The following PPM1E variants were observed in gnomAD, a reference collection of about 807,000 sequenced individuals.
PPM1E encodes protein phosphatase, Mg2+/Mn2+ dependent 1E, also known as protein phosphatase 1E.
PPM1E carries 20 observed loss-of-function variants against 65.9 expected under a neutral mutation model. That is an observed-to-expected ratio of 0.30 (90% CI 0.21 to 0.44). The LOEUF (loss-of-function observed/expected upper bound fraction) is 0.44. Among genes scored for constraint, PPM1E ranks in the 20% least tolerant of loss-of-function variants. PPM1E has a pLI of 1.00. For synonymous variants in PPM1E, 352 were observed against 374.9 expected, an observed-to-expected ratio of 0.94 and a Z score of 0.70; for missense variants, 713 against 953.1, an observed-to-expected ratio of 0.75 and a Z score of 3.32.
intron 1 of PPM1E, chr17:58,785,458 T>TTATATATATATATATATATATATATATA (rs71367630): frequency 1.8e-4 from 16 of 88,946 alleles, no homozygotes; most frequent in African/African-American, 4.3e-4. Flanking sequence ...CCTGGCTAAT[T>TTATATATATATATATATATATATATATA]TATATATATA....
chr17:58,810,064 G>T (rs1021444336), intron 1 of PPM1E, among the ~76,000 whole-genome samples: 2 of 152,076 alleles, frequency 1.3e-5, no homozygotes, highest in Non-Finnish European at 2.9e-5. Context: ...GAAATCTGTT[G>T]TGTATTTTAC....
intron 1 of PPM1E, among the ~76,000 whole-genome samples, chr17:58,945,450 C>A (rs1313455800): frequency 6.6e-6 from 1 of 152,218 alleles, no homozygotes; most frequent in Non-Finnish European, 1.5e-5. Flanking sequence ...GCCTCACACA[C>A]TTCTGACACT....
chr17:58,846,345 G>A (rs1237437895), intron 1 of PPM1E, among the ~76,000 whole-genome samples: 2 of 151,982 alleles, frequency 1.3e-5, no homozygotes, highest in Non-Finnish European at 2.9e-5. Context: ...ATGTATATGT[G>A]TGCCATGTTG....
chr17:58,963,564 C>G (rs920479493), intron 2 of PPM1E, among the ~76,000 whole-genome samples: 1 of 151,690 alleles, frequency 6.6e-6, no homozygotes, highest in African/African-American at 2.4e-5. Flanking sequence ...AAAAAATTAG[C>G]TGGGCGTGGT....
At chr17:58,956,944 G>T (rs2029884690) in intron 2 of PPM1E, among the ~76,000 whole-genome samples, 1 of 152,134 alleles carries the variant, frequency 6.6e-6, no homozygotes, top group Non-Finnish European at 1.5e-5. Flanking sequence ...CAGAAAATCG[G>T]CAAGGAAGGA....
intron 1 of PPM1E, among the ~76,000 whole-genome samples, chr17:58,777,405 A>G (rs1472252413): frequency 6.6e-6 from 1 of 152,192 alleles, no homozygotes; most frequent in Admixed American, 6.6e-5. Flanking sequence ...AGGAGAAAAG[A>G]TTTCTTGAAC....
chr17:58,877,041 C>T (rs1342406004), intron 1 of PPM1E, among the ~76,000 whole-genome samples: 1 of 152,190 alleles, frequency 6.6e-6, no homozygotes, highest in African/African-American at 2.4e-5. Context: ...CCTCGGCCTC[C>T]CAAAGTGCTG....
intron 1 of PPM1E, among the ~76,000 whole-genome samples, chr17:58,855,078 A>G (rs550033449): frequency 2.8e-4 from 43 of 152,272 alleles, no homozygotes; most frequent in African/African-American, 8.7e-4. Context: ...GTGCCCCGAC[A>G]CTTTTGTGAG....
intron 1 of PPM1E, among the ~76,000 whole-genome samples, chr17:58,771,540 C>A (rs2049938709): frequency 6.6e-6 from 1 of 151,530 alleles, no homozygotes; most frequent in African/African-American, 2.4e-5. Context: ...AGGAGAATCG[C>A]TTGAACCTGG....
chr17:58,849,844 T>G (rs965206011), intron 1 of PPM1E, among the ~76,000 whole-genome samples: 11 of 152,144 alleles, frequency 7.2e-5, no homozygotes, highest in Non-Finnish European at 1.5e-5. Flanking sequence ...CCTTGTTAAT[T>G]TCCTGTCTTG....
At chr17:58,803,609 C>T (rs2143062222) in intron 1 of PPM1E, among the ~76,000 whole-genome samples, 1 of 152,336 alleles carries the variant, frequency 6.6e-6, no homozygotes, top group Admixed American at 6.5e-5. Flanking sequence ...CCTACACCAC[C>T]AAATACCAGT....
intron 1 of PPM1E, among the ~76,000 whole-genome samples, chr17:58,934,731 A>G (rs1389256329): frequency 1.3e-5 from 2 of 152,134 alleles, no homozygotes; most frequent in African/African-American, 2.4e-5. Flanking sequence ...GTTTGAGACC[A>G]GCCTGGCCAA....
chr17:58,831,697 C>A (rs2050607468), intron 1 of PPM1E, among the ~76,000 whole-genome samples: 1 of 152,166 alleles, frequency 6.6e-6, no homozygotes, highest in African/African-American at 2.4e-5. Flanking sequence ...CAGCTAGATT[C>A]TTGATGTCAT....
intron 1 of PPM1E, among the ~76,000 whole-genome samples, chr17:58,941,732 T>TG (rs1229941262): frequency 7.0e-6 from 1 of 143,786 alleles, no homozygotes; most frequent in African/African-American, 2.6e-5. Flanking sequence ...AGGCCGGGCA[T>TG]GGTGGCTCAC....
At chr17:58,786,018 T>C (rs998177695) in intron 1 of PPM1E, among the ~76,000 whole-genome samples, 1 of 150,188 alleles carries the variant, frequency 6.7e-6, no homozygotes, top group African/African-American at 2.4e-5. Flanking sequence ...CTTTTCACTT[T>C]TTTTTTTTTT....
At chr17:58,927,333 G>T (rs977806754) in intron 1 of PPM1E, among the ~76,000 whole-genome samples, 1 of 151,560 alleles carries the variant, frequency 6.6e-6, no homozygotes, top group Non-Finnish European at 1.5e-5. Flanking sequence ...GGATTTCACC[G>T]TGTCAGTCAG....
intron 1 of PPM1E, among the ~76,000 whole-genome samples, chr17:58,805,973 A>C (rs1026399989): frequency 4.2e-5 from 5 of 117,902 alleles, no homozygotes; most frequent in East Asian, 2.4e-4. Context: ...AAAAAAAAAA[A>C]CAAAAAAAAA....
At chr17:58,833,692 C>T (rs182001996) in intron 1 of PPM1E, among the ~76,000 whole-genome samples, 36 of 152,090 alleles carry the variant, frequency 2.4e-4, no homozygotes, top group African/African-American at 8.2e-4. Context: ...AGTGAACATG[C>T]GAGTGCATAT....
At chr17:58,781,480 A>G (rs1470160285) in intron 1 of PPM1E, among the ~76,000 whole-genome samples, 2 of 152,012 alleles carry the variant, frequency 1.3e-5, no homozygotes, top group Non-Finnish European at 2.9e-5. Flanking sequence ...TGGCCAACCA[A>G]ATTCATTTGA....
Sources: gnomAD v4.1 joint callset for allele counts (sites outside exome capture counted in the v4.1 genomes callset) on GRCh38, gnomAD v4.1.1 for gene constraint, MANE v1.5 for transcripts, NCBI Gene and HGNC (gene_info 2026-07-23, HGNC 2026-07-21) for gene names.